PDZD2: variants seen among roughly 807,000 people sequenced by gnomAD.
PDZD2 encodes PDZ domain-containing protein 2.
A neutral mutation model predicts 220.7 loss-of-function variants in PDZD2; 90 were observed. That is an observed-to-expected ratio of 0.41 (90% confidence interval 0.34 to 0.49). PDZD2 has a LOEUF of 0.49. Ranked by LOEUF, PDZD2 falls within the 20% of genes least tolerant of loss-of-function variation. PDZD2 has a pLI of 0.28. For synonymous variants in PDZD2, 1,375 were observed against 1,450.5 expected (o/e 0.95, Z 1.18); for missense variants, 3,174 against 3,608.5 (o/e 0.88, Z 3.08).
chr5:31,855,510 G>A (rs959106088), intron 2 of PDZD2, among the ~76,000 whole-genome samples: 1 of 152,226 alleles, frequency 6.6e-6, no homozygotes, highest in African/African-American at 2.4e-5. Flanking sequence ...CCGGAGCCAC[G>A]GCGGTTTCAG....
At chr5:31,755,637 T>C (rs540819063) in intron 1 of PDZD2, among the ~76,000 whole-genome samples, 2 of 151,894 alleles carry the variant, frequency 1.3e-5, no homozygotes, top group South Asian at 2.1e-4. Context: ...TTTTTGCAGC[T>C]TTTGTTTCCT....
chr5:31,885,167 A>AAG (rs1185270639), intron 2 of PDZD2, among the ~76,000 whole-genome samples: 3 of 151,730 alleles, frequency 2.0e-5, no homozygotes, highest in Non-Finnish European at 4.4e-5. Flanking sequence ...GCAAAAAAAA[A>AAG]AAAAAAGAAA....
chr5:31,850,243 T>TATATATATATATATAC (rs577432352), intron 2 of PDZD2, among the ~76,000 whole-genome samples: 40 of 122,236 alleles, frequency 3.3e-4, no homozygotes, highest in African/African-American at 1.1e-3. Context: ...TATATATATA[T>TATATATATATATATAC]ACACACACAC....
At chr5:31,926,526 GAAAAAAAAA>G (rs71300157) in intron 2 of PDZD2, among the ~76,000 whole-genome samples, 4 of 83,996 alleles carry the variant, frequency 4.8e-5, no homozygotes, top group East Asian at 7.8e-4. Context: ...AACTGCATCT[GAAAAAAAAA>G]AAAAAAAAAA....
At chr5:31,745,553 C>T (rs1340231661) in intron 1 of PDZD2, among the ~76,000 whole-genome samples, 4 of 152,330 alleles carry the variant, frequency 2.6e-5, no homozygotes, top group East Asian at 3.9e-4. Flanking sequence ...AAATCACCTT[C>T]GCTCATGCTT....
intron 6 of PDZD2, among the ~76,000 whole-genome samples, chr5:32,025,687 C>T (rs1303405401): frequency 1.4e-5 from 2 of 140,024 alleles, no homozygotes; most frequent in African/African-American, 2.7e-5. Flanking sequence ...CTACAACCTC[C>T]ACCTCCCGTT....
chr5:31,799,592 A>T lies in PDZD2; in HGVS notation c.344A>T (p.Asp115Val), dbSNP rs1168687623. Reference sequence around the variant, plus strand: ...AAAACCCACCAGGGTCCTGTGCTGGATGTGGGCTGCATCTGGGTGACAGAG... The same window carrying T: ...AAAACCCACCAGGGTCCTGTGCTGGTTGTGGGCTGCATCTGGGTGACAGAG... ...KRKTHQGPVL[D>V]VGCIWVTELR... The change falls in exon 2 of 25, where the codon GAT (aspartate) becomes GTT (valine). Residue 115 changes from aspartate to valine, a missense_variant. Physicochemically the swap from Asp to Val is radical, Grantham distance 152 (BLOSUM62 -3). Coordinates refer to ENST00000438447, the MANE Select transcript of PDZD2 (RefSeq NM_178140.4). 6.2e-7 allele frequency: 1 copy of T among 1,614,076 alleles called. No individual in the cohort carries two copies. Among genetic ancestry groups the T allele is most frequent in the Non-Finnish European group, 8.5e-7 (1 of 1,180,036 alleles).
Position 31,668,193 on chromosome 5 carries a change from C to T in PDZD2, c.-361+28756C>T, listed in dbSNP as rs568169140. ...CCTTTTTTCATTGTGTTGGTGAATG[C>T]GTGCAGAGATGGAGGTCTGCTTTCC... On this transcript the variant is annotated intron_variant, in intron 1 of 24. Coordinates refer to ENST00000438447, the MANE Select transcript of PDZD2 (RefSeq NM_178140.4). Among the ~76,000 whole-genome samples the T allele has an allele frequency of 1.2e-4, 18 of 152,188 alleles. 1 individual carries two copies. Among genetic ancestry groups the T allele is most frequent in the East Asian group, 1.2e-3 (6 of 5,176 alleles).
At chr5:31,929,475 C>T (rs1745063596) in intron 2 of PDZD2, among the ~76,000 whole-genome samples, 1 of 152,216 alleles carries the variant, frequency 6.6e-6, no homozygotes, top group Non-Finnish European at 1.5e-5. Flanking sequence ...TATCTGCGGA[C>T]AGTGCTAAAT....
intron 2 of PDZD2, among the ~76,000 whole-genome samples, chr5:31,836,744 C>T (rs1371172670): frequency 2.0e-5 from 3 of 151,980 alleles, no homozygotes; most frequent in East Asian, 3.9e-4. Flanking sequence ...GTAGGCTGGG[C>T]GAGGTGGTTT....
intron 24 of PDZD2, among the ~76,000 whole-genome samples, chr5:32,103,194 G>C: frequency 6.6e-6 from 1 of 152,166 alleles, no homozygotes; most frequent in East Asian, 1.9e-4. Context: ...GGACTATGCA[G>C]ACTGAAAAAC....
At chr5:32,017,055 C>G (rs1021089240) in intron 6 of PDZD2, among the ~76,000 whole-genome samples, 4 of 152,148 alleles carry the variant, frequency 2.6e-5, no homozygotes, top group African/African-American at 9.7e-5. Flanking sequence ...GGTTGGTGTA[C>G]CCTCTCACCA....
intron 1 of PDZD2, among the ~76,000 whole-genome samples, chr5:31,696,377 G>A (rs1747380458): frequency 6.6e-6 from 1 of 152,144 alleles, no homozygotes; most frequent in African/African-American, 2.4e-5. Context: ...ATAGCTTACT[G>A]CAGCCTCAGA....
intron 4 of PDZD2, among the ~76,000 whole-genome samples, chr5:31,999,282 T>G (rs910583087): frequency 2.8e-4 from 6 of 21,732 alleles, no homozygotes; most frequent in African/African-American, 7.3e-4. Flanking sequence ...CGGGATTTGT[T>G]TTTTTTTTTT....
Position 32,052,628 on chromosome 5 carries a change from G to A in PDZD2, c.1683G>A (p.Lys561=), listed in dbSNP as rs1199257664. 19 of 1,613,582 alleles carry A rather than the reference G, an allele frequency of 1.2e-5. No homozygotes were observed. Among genetic ancestry groups the A allele is most frequent in the Admixed American group, 3.3e-5 (2 of 59,992 alleles). ...ACTTTTAGGAATACCACATTGTGAAGAAGTCTACCCGCTCCTTAAGCACGA... is the reference window on the plus strand; with the variant it reads ...ACTTTTAGGAATACCACATTGTGAAAAAGTCTACCCGCTCCTTAAGCACGA... ...SSASQEYHIV[K]KSTRSLSTTQ... Residue 561 remains lysine (K), a synonymous_variant, in exon 9 of 25, where the codon AAG becomes AAA. Transcript: ENST00000438447.
chr5:31,884,120 G>A (rs961956168), intron 2 of PDZD2, among the ~76,000 whole-genome samples: 12 of 152,266 alleles, frequency 7.9e-5, no homozygotes, highest in South Asian at 4.1e-4. Flanking sequence ...GGCTGAGGCC[G>A]GAGAATCGCT....
rs549386972 is a variant in PDZD2 at position 31,876,765 on chromosome 5, A to G, written c.476+77041A>G. Among the ~76,000 whole-genome samples the G allele has an allele frequency of 3.0e-4, 46 of 152,344 alleles. 1 individual carries two copies. In the South Asian group the frequency reaches 9.5e-3, roughly 32 times the overall value. On this transcript the variant is annotated intron_variant, in intron 2 of 24. Coordinates refer to ENST00000438447, the MANE Select transcript of PDZD2 (RefSeq NM_178140.4). ...CAATTACATAAATTTCCCTGAGTATAATATAACACAGGGCATTGACTCTGG... is the reference window on the plus strand; with the variant it reads ...CAATTACATAAATTTCCCTGAGTATGATATAACACAGGGCATTGACTCTGG...
intron 6 of PDZD2, among the ~76,000 whole-genome samples, chr5:32,015,170 G>A (rs969946434): frequency 2.0e-5 from 3 of 151,998 alleles, no homozygotes; most frequent in Non-Finnish European, 4.4e-5. Flanking sequence ...TTGAACTCCT[G>A]ACCTCAGGTG....
In PDZD2 at chr5:31,934,032, C is replaced by G. The variant is rs1264728060; in HGVS notation, c.477-49123C>G. Among the ~76,000 whole-genome samples the G allele has an allele frequency of 3.3e-5, 5 of 152,146 alleles. No individual in the cohort carries two copies. In the East Asian group the frequency reaches 9.6e-4, roughly 29 times the overall value. On this transcript the variant is annotated intron_variant, in intron 2 of 24. Coordinates refer to ENST00000438447, the MANE Select transcript of PDZD2 (RefSeq NM_178140.4). ...AAACTATATGTTATATATTATCCAC[C>G]CTTCGTTGAGAGAATGGGACAAAGA...
Sources: gnomAD v4.1 joint callset for allele counts (sites outside exome capture counted in the v4.1 genomes callset) on GRCh38, gnomAD v4.1.1 for gene constraint, MANE v1.5 for transcripts, NCBI Gene and HGNC (gene_info 2026-07-23, HGNC 2026-07-21) for gene names.